Variants in ADAMTS3 observed in about 807,000 individuals in gnomAD.
The protein encoded by ADAMTS3 is A disintegrin and metalloproteinase with thrombospondin motifs 3.
In ADAMTS3, 73 loss-of-function variants were observed where a neutral mutation model predicts 129.0. That is an observed-to-expected ratio of 0.57 (90% confidence interval 0.47 to 0.69). The LOEUF (loss-of-function observed/expected upper bound fraction) is 0.69, where lower values mean the gene tolerates loss of function less well. ADAMTS3 is among the 30% of genes least tolerant of loss of function. ADAMTS3 has a pLI of 0.00. For missense variants in ADAMTS3, 1,457 were observed against 1,514.5 expected (o/e 0.96, Z 0.63); for synonymous variants, 477 against 510.8 (o/e 0.93, Z 0.89).
chr4:72,490,764 G>A (rs1719718429), intron 3 of ADAMTS3, among the ~76,000 whole-genome samples: 1 of 151,822 alleles, frequency 6.6e-6, no homozygotes, highest in South Asian at 2.1e-4. Flanking sequence ...AACTTAAGCA[G>A]CCTGATACCT....
rs1722268224 is a variant in ADAMTS3, at chr4:72,414,952, T to C, written c.524A>G (p.Asp175Gly). ...GGGTTCAATGAAATACTCTTCATTATCACTTTTTATCATTCCAGCCTAGAG... is the reference window on the plus strand; with the variant it reads ...GGGTTCAATGAAATACTCTTCATTACCACTTTTTATCATTCCAGCCTAGAG... The part of the protein sequence containing the change: ...CDGLAGMIKS[D>G]NEEYFIEPLE... Residue 175 changes from aspartate (D) to glycine (G), a missense_variant, in exon 4 of 22, where the codon GAT (aspartate) becomes GGT (glycine). Physicochemically the swap from Asp to Gly is moderately conservative, Grantham distance 94. Transcript: ENST00000286657. 1.3e-6 allele frequency: 2 copies of C among 1,539,014 alleles called. No homozygotes were observed. The highest frequency in any genetic ancestry group is 2.8e-5 in the African/African-American group (2 of 70,636).
At chr4:72,526,570 A>ATGTGTGTGTG (rs56774889) in intron 3 of ADAMTS3, among the ~76,000 whole-genome samples, 5,464 of 131,924 alleles carry the variant, frequency 0.041, 170 homozygotes, top group East Asian at 0.097. Flanking sequence ...AATGAAATTT[A>ATGTGTGTGTG]TGTGTGTGTG....
chr4:72,501,537 T>C (rs559305096), intron 3 of ADAMTS3, among the ~76,000 whole-genome samples: 94 of 152,274 alleles, frequency 6.2e-4, no homozygotes, highest in South Asian at 1.5e-3. Flanking sequence ...TAGGGTTTTT[T>C]TAGCTCTAGA....
At chr4:72,518,284 G>A (rs1165953181) in intron 3 of ADAMTS3, among the ~76,000 whole-genome samples, 1 of 152,090 alleles carries the variant, frequency 6.6e-6, no homozygotes, top group Non-Finnish European at 1.5e-5. Context: ...GAATAGGTGT[G>A]GTATGGTGCT....
At chr4:72,392,418 T>TA (rs1215692317) in intron 4 of ADAMTS3, among the ~76,000 whole-genome samples, 1 of 152,034 alleles carries the variant, frequency 6.6e-6, no homozygotes, top group Non-Finnish European at 1.5e-5. Flanking sequence ...CCTACATATT[T>TA]AAAAAAAATC....
At chr4:72,519,946 G>GT (rs1362370553) in intron 3 of ADAMTS3, among the ~76,000 whole-genome samples, 1 of 151,892 alleles carries the variant, frequency 6.6e-6, no homozygotes, top group Non-Finnish European at 1.5e-5. Context: ...TTTCTGCTCT[G>GT]TTTTTTCCCC....
chr4:72,317,600 G>C (rs954715556), intron 10 of ADAMTS3, among the ~76,000 whole-genome samples: 1 of 150,918 alleles, frequency 6.6e-6, no homozygotes, highest in African/African-American at 2.4e-5. Context: ...TGCCTTTCTT[G>C]TGCTAAGCAC....
At chr4:72,518,832 T>C (rs1720573101) in intron 3 of ADAMTS3, among the ~76,000 whole-genome samples, 1 of 151,250 alleles carries the variant, frequency 6.6e-6, no homozygotes, top group South Asian at 2.1e-4. Flanking sequence ...ATTTAGTCCA[T>C]TTACATTTAA....
At chr4:72,294,260 G>A (rs1718750068) in intron 19 of ADAMTS3, among the ~76,000 whole-genome samples, 1 of 152,080 alleles carries the variant, frequency 6.6e-6, no homozygotes, top group African/African-American at 2.4e-5. Flanking sequence ...GGAACTCACA[G>A]AAGTGGAGAC....
chr4:72,462,413 G>A (rs144724783), intron 3 of ADAMTS3, among the ~76,000 whole-genome samples: 381 of 152,100 alleles, frequency 2.5e-3, no homozygotes, highest in African/African-American at 7.4e-3. Flanking sequence ...GCGCAGTCAT[G>A]AAGACTCACA....
At chr4:72,347,898 AT>A (rs1232822474) in intron 4 of ADAMTS3, among the ~76,000 whole-genome samples, 1 of 151,980 alleles carries the variant, frequency 6.6e-6, no homozygotes, top group Non-Finnish European at 1.5e-5. Context: ...TTCAAAGCTC[AT>A]GTTACTTCCC....
At chr4:72,324,402 C>G (rs986700141) in intron 5 of ADAMTS3, among the ~76,000 whole-genome samples, 1 of 151,844 alleles carries the variant, frequency 6.6e-6, no homozygotes, top group Non-Finnish European at 1.5e-5. Context: ...TGAAAGCATA[C>G]TTACTGAATT....
intron 15 of ADAMTS3, 92 bp from the exon 16 acceptor site, chr4:72,306,159 C>A (rs529116994): frequency 5.9e-6 from 5 of 842,274 alleles, no homozygotes; most frequent in Non-Finnish European, 8.9e-6. Flanking sequence ...ACTGCTTCTG[C>A]GTGCAGAAGA....
Position 72,428,367 on chromosome 4 carries a change from CT to C in ADAMTS3, c.505-13397del, listed in dbSNP as rs552642974. 2.5e-3 allele frequency among the ~76,000 whole-genome samples: 381 copies of C among 151,862 alleles called. 2 individuals are homozygous for C. Among genetic ancestry groups the C allele is most frequent in the African/African-American group, 7.3e-3 (302 of 41,436 alleles). On this transcript the variant is annotated intron_variant, in intron 3 of 21. Transcript: ENST00000286657. ...ATCTGTTTTAGTTTTTCATGTTGGG[CT>C]TTTCATGTTAAGATATTTTACCTAG... is the stretch of plus-strand genomic sequence containing the variant.
chr4:72,334,908 TAGAA>T lies in ADAMTS3; in HGVS notation c.861+4582_861+4585del, dbSNP rs1456751003. The stretch of plus-strand genomic sequence containing the variant: ...TGGTGAAATGTCAAGATCTACAAAA[TAGAA>T]AGAGGTTAAAAAAAGCAGATGAAAG... On this transcript the variant is annotated intron_variant, in intron 5 of 21. Transcript: ENST00000286657. 2.0e-5 allele frequency among the ~76,000 whole-genome samples: 3 copies of T among 152,042 alleles called. No homozygotes were observed. The East Asian group carries it at 5.8e-4, about 29-fold the overall frequency.
At chr4:72,288,683 A>C in intron 21 of ADAMTS3, 68 bp downstream of exon 21, 2 of 1,022,056 alleles carry the variant, frequency 2.0e-6, no homozygotes, top group Non-Finnish European at 3.0e-6. Context: ...AACTTCTCTC[A>C]AAAGGAAATT....
intron 4 of ADAMTS3, among the ~76,000 whole-genome samples, chr4:72,389,442 T>C (rs1199190851): frequency 3.3e-5 from 5 of 152,160 alleles, no homozygotes; most frequent in Admixed American, 2.0e-4. Context: ...AGCTGTTTAA[T>C]TGTATGATAT....
intron 4 of ADAMTS3, among the ~76,000 whole-genome samples, chr4:72,391,911 G>A (rs1462987177): frequency 6.6e-6 from 1 of 152,148 alleles, no homozygotes; most frequent in Non-Finnish European, 1.5e-5. Flanking sequence ...TTAAGATCCT[G>A]AAAACGCGTA....
intron 4 of ADAMTS3, among the ~76,000 whole-genome samples, chr4:72,354,517 C>T (rs946147670): frequency 6.6e-6 from 1 of 151,978 alleles, no homozygotes; most frequent in Non-Finnish European, 1.5e-5. Flanking sequence ...ATCTTGTTCT[C>T]GCCTGCTGGC....
Sources: allele counts gnomAD v4.1 joint callset (sites outside exome capture counted in the v4.1 genomes callset), GRCh38; gene constraint gnomAD v4.1.1; transcripts MANE v1.5; gene names NCBI Gene and HGNC (gene_info 2026-07-23, HGNC 2026-07-21).